MTHFD1L: variants seen among roughly 807,000 people sequenced by gnomAD.
MTHFD1L encodes methylenetetrahydrofolate dehydrogenase (NADP+ dependent) 1 like.
In MTHFD1L, 81 loss-of-function variants were observed where a neutral mutation model predicts 119.5. The observed-to-expected ratio is 0.68, with a 90% CI of 0.57 to 0.82. The LOEUF is 0.82. Ranked by LOEUF, MTHFD1L falls within the 40% of genes least tolerant of loss-of-function variation. The pLI is 0.00. For synonymous variants in MTHFD1L, 430 were observed against 475.2 expected (o/e 0.90, Z 1.24); for missense variants, 1,125 against 1,253.4 (o/e 0.90, Z 1.55).
At chr6:150,935,223 G>A (rs1185956179) in intron 11 of MTHFD1L, 1 of 1,611,912 alleles carries the variant, frequency 6.2e-7, no homozygotes, top group East Asian at 2.2e-5. Context: ...AGGCCACTGT[G>A]GAAGTCATAT....
chr6:150,958,343 G>A (rs1795940742), intron 17 of MTHFD1L, among the ~76,000 whole-genome samples: 1 of 152,138 alleles, frequency 6.6e-6, no homozygotes, highest in African/African-American at 2.4e-5. Context: ...TAATGAACAT[G>A]TAGAGTGTTT....
intron 4 of MTHFD1L, among the ~76,000 whole-genome samples, chr6:150,878,638 C>G (rs1162942920): frequency 6.6e-6 from 1 of 152,228 alleles, no homozygotes; most frequent in Non-Finnish European, 1.5e-5. Context: ...GGAGCTCAGG[C>G]TCCTGTCCCT....
At chr6:150,944,938 C>T (rs965058793) in intron 14 of MTHFD1L, among the ~76,000 whole-genome samples, 6 of 152,196 alleles carry the variant, frequency 3.9e-5, no homozygotes, top group Non-Finnish European at 8.8e-5. Flanking sequence ...GGGGATTGGA[C>T]AGATGTCGTT....
intron 24 of MTHFD1L, among the ~76,000 whole-genome samples, chr6:151,017,830 C>CTTTTT (rs895364993): frequency 5.9e-4 from 58 of 98,964 alleles, no homozygotes; most frequent in East Asian, 1.3e-3. Flanking sequence ...ACCGTGTTTT[C>CTTTTT]TTTTTTTTTT....
chr6:150,932,684 CTTG>C (rs1183761819), intron 11 of MTHFD1L, among the ~76,000 whole-genome samples: 18 of 151,924 alleles, frequency 1.2e-4, no homozygotes, highest in Non-Finnish European at 2.1e-4. Flanking sequence ...AGGAGAATTG[CTTG>C]AACCTGGGAG....
intron 20 of MTHFD1L, among the ~76,000 whole-genome samples, chr6:150,972,528 G>A (rs757411289): frequency 2.3e-4 from 35 of 152,280 alleles, no homozygotes; most frequent in African/African-American, 7.0e-4. Context: ...CACATGCCTC[G>A]CTACTCAGGA....
At chr6:151,046,639 C>T (rs183785563) in intron 26 of MTHFD1L, among the ~76,000 whole-genome samples, 2 of 151,844 alleles carry the variant, frequency 1.3e-5, no homozygotes, top group East Asian at 3.9e-4. Flanking sequence ...AAAAGGCACC[C>T]ATAAAAGTAT....
Position 150,885,594 on chromosome 6 carries a change from T to C in MTHFD1L, c.543-40T>C, listed in dbSNP as rs771856814. 5 of 1,529,102 alleles carry C rather than the reference T, an allele frequency of 3.3e-6. No homozygotes were observed. The South Asian group carries it at 4.5e-5, about 14-fold the overall frequency. 94.7% of individuals were successfully genotyped at this position (1,529,102 alleles called of 1,614,324 possible). On this transcript the variant is annotated intron_variant, in intron 5 of 27. Transcript: ENST00000367321. The stretch of plus-strand genomic sequence containing the variant: ...ATTACACGTGAGTGATTTTTTTGGC[T>C]GGGCTTTGACTTAACCTACTTCTTT...
chr6:150,905,036 CTTT>C lies in MTHFD1L; in HGVS notation c.781-595_781-593del, dbSNP rs36039459. ...TCATGGCCTTAGCCCTTGTTTTCCTCTTTTTTTTTTTTTTTTTTTTTGAGACAG... is the reference window on the plus strand; with the variant it reads ...TCATGGCCTTAGCCCTTGTTTTCCTCTTTTTTTTTTTTTTTTTTGAGACAG... On this transcript the variant is annotated intron_variant, in intron 7 of 27. Transcript: ENST00000367321. Among the ~76,000 whole-genome samples the C allele has an allele frequency of 5.6e-4, 63 of 111,686 alleles. No homozygotes were observed. In the East Asian group the frequency reaches 0.014, roughly 25 times the overall value. The allele number at this position is 111,686 out of a possible 152,430, so 73.3% of individuals were successfully genotyped here. A position where few individuals can be genotyped will look rare whatever the true frequency, so the allele number is the denominator to read the frequency against.
chr6:150,870,909 T>TC (rs1372964843), intron 1 of MTHFD1L, among the ~76,000 whole-genome samples: 2 of 149,034 alleles, frequency 1.3e-5, no homozygotes, highest in Non-Finnish European at 3.0e-5. Context: ...AGAGCGAGAC[T>TC]CCGTCTCAAA....
intron 1 of MTHFD1L, among the ~76,000 whole-genome samples, chr6:150,870,610 T>TAA (rs199625710): frequency 6.6e-6 from 1 of 151,014 alleles, no homozygotes; most frequent in Non-Finnish European, 1.5e-5. Flanking sequence ...GCGTTTTGTC[T>TAA]AAAAAAAAAC....
chr6:150,951,039 T>TG (rs1165039184), intron 16 of MTHFD1L, among the ~76,000 whole-genome samples: 1 of 138,664 alleles, frequency 7.2e-6, no homozygotes, highest in African/African-American at 2.7e-5. Context: ...TATGGTTTTT[T>TG]TTTTGTTTTT....
Position 150,944,589 on chromosome 6 carries a change from A to T in MTHFD1L, c.1544A>T (p.Asp515Val), listed in dbSNP as rs1381426382. 1 of 1,611,740 alleles carries T rather than the reference A, an allele frequency of 6.2e-7. No individual in the cohort carries two copies. The highest frequency in any genetic ancestry group is 1.3e-5 in the African/African-American group (1 of 74,906). The change falls in exon 14 of 28, where the codon GAT becomes GTT. Residue 515 changes from aspartate to valine, a missense_variant. By Grantham distance (152) the Asp-to-Val change is radical. Around this residue, in one of 3 missense-constraint regions of MTHFD1L, gnomAD observed 1,058 missense variants for 1,151.2 expected, o/e 0.92. Coordinates refer to ENST00000367321, the MANE Select transcript of MTHFD1L (RefSeq NM_015440.5). Reference sequence around the variant, plus strand: ...ATTCTTCATGAAAACACGCAAACAGATAAGGTGAGAAGGATGCCTTGCTAG... The same window carrying T: ...ATTCTTCATGAAAACACGCAAACAGTTAAGGTGAGAAGGATGCCTTGCTAG... Reference protein sequence around the residue: ...TRILHENTQTDKALYNRLVPL... With the variant: ...TRILHENTQTVKALYNRLVPL...
At chr6:151,028,238 C>T (rs972081284) in intron 24 of MTHFD1L, among the ~76,000 whole-genome samples, 1 of 152,064 alleles carries the variant, frequency 6.6e-6, no homozygotes, top group African/African-American at 2.4e-5. Flanking sequence ...ACAGTCAGCC[C>T]GGCACCTCCT....
chr6:150,974,046 G>A (rs995169775), intron 20 of MTHFD1L, among the ~76,000 whole-genome samples: 1 of 152,198 alleles, frequency 6.6e-6, no homozygotes, highest in East Asian at 1.9e-4. Context: ...TAAGTGGGGG[G>A]GTTTTTCATG....
intron 1 of MTHFD1L, chr6:150,866,573 G>C (rs1778373015): frequency 1.6e-6 from 2 of 1,228,064 alleles, no homozygotes; most frequent in South Asian, 3.9e-5. Flanking sequence ...CCTTCCCCGC[G>C]CGCGGCCCCT....
chr6:150,999,105 G>A (rs753883257), intron 20 of MTHFD1L, among the ~76,000 whole-genome samples: 2 of 151,842 alleles, frequency 1.3e-5, no homozygotes, highest in Non-Finnish European at 2.9e-5. Flanking sequence ...ATCTCGTTAT[G>A]TATATGCAAA....
At chr6:150,934,140 G>C (rs1326173860) in intron 11 of MTHFD1L, among the ~76,000 whole-genome samples, 1 of 152,152 alleles carries the variant, frequency 6.6e-6, no homozygotes, top group Admixed American at 6.5e-5. Context: ...TTGCCTCCCA[G>C]CTCTACTGCT....
intron 8 of MTHFD1L, among the ~76,000 whole-genome samples, chr6:150,907,619 C>T (rs1046186191): frequency 1.3e-5 from 2 of 152,106 alleles, no homozygotes; most frequent in African/African-American, 4.8e-5. Flanking sequence ...TGCTGCCCAG[C>T]GCCTCAAGAC....
Sources: gnomAD v4.1 joint callset for allele counts (sites outside exome capture counted in the v4.1 genomes callset) on GRCh38, gnomAD v4.1.1 for gene constraint, gnomAD v4.1.1 regional missense constraint, MANE v1.5 for transcripts, NCBI Gene and HGNC (gene_info 2026-07-23, HGNC 2026-07-21) for gene names.